ITPR2: variants seen among roughly 807,000 people sequenced by gnomAD.
ITPR2 encodes inositol 1,4,5-trisphosphate receptor type 2.
In ITPR2, 207 loss-of-function variants were observed where a neutral mutation model predicts 317.1. The ratio of observed to expected loss-of-function variants is 0.65; its 90% CI spans 0.58 to 0.73. The LOEUF is 0.73. Ranked by LOEUF, ITPR2 falls within the 30% of genes least tolerant of loss-of-function variation. ITPR2 has a pLI of 0.00. For missense variants in ITPR2, 2,613 were observed against 3,284.0 expected, an observed-to-expected ratio of 0.80 and a Z score of 4.99; for synonymous variants, 1,156 against 1,149.1, an observed-to-expected ratio of 1.01 and a Z score of -0.12.
At chr12:26,693,288 T>G (rs1948273801) in intron 10 of ITPR2, among the ~76,000 whole-genome samples, 2 of 152,116 alleles carry the variant, frequency 1.3e-5, no homozygotes. Flanking sequence ...GAAGAAGTTG[T>G]TTTTTCGAAT....
At chr12:26,727,945 C>T (rs1168987436) in intron 2 of ITPR2, among the ~76,000 whole-genome samples, 1 of 152,140 alleles carries the variant, frequency 6.6e-6, no homozygotes, top group African/African-American at 2.4e-5. Flanking sequence ...CAAACAGAGC[C>T]ACTGGCTGGT....
intron 16 of ITPR2, 77 bp from the exon 17 acceptor site, chr12:26,658,207 G>T (rs1947417839): frequency 8.9e-6 from 9 of 1,006,816 alleles, no homozygotes; most frequent in South Asian, 2.8e-5. Flanking sequence ...ACATAATTTG[G>T]AATATAATAA....
chr12:26,781,008 C>T (rs1390962342), intron 2 of ITPR2, among the ~76,000 whole-genome samples: 2 of 152,172 alleles, frequency 1.3e-5, no homozygotes, highest in Non-Finnish European at 2.9e-5. Flanking sequence ...TGAAATCAGT[C>T]TATGACTCCA....
At position 26,655,355 on chromosome 12, in the gene ITPR2, C is replaced by A. The variant is rs564272855; in HGVS notation, c.2589+353G>T. 2.6e-5 allele frequency among the ~76,000 whole-genome samples: 4 copies of A among 152,272 alleles called. 1 individual carries two copies. In the South Asian group the frequency reaches 6.2e-4, roughly 24 times the overall value. Reference sequence around the variant, plus strand: ...GAAGGCCGGGGGTGGTGGCTCACACCTGTAATCCCAGCACTTTGGGAGGCC... The same window carrying A: ...GAAGGCCGGGGGTGGTGGCTCACACATGTAATCCCAGCACTTTGGGAGGCC... On this transcript the variant is annotated intron_variant, in intron 20 of 56. Transcript: ENST00000381340.
At chr12:26,615,458 T>C (rs921153088) in intron 26 of ITPR2, among the ~76,000 whole-genome samples, 19 of 152,052 alleles carry the variant, frequency 1.2e-4, no homozygotes, top group Non-Finnish European at 2.5e-4. Flanking sequence ...AAAAAAATTA[T>C]CCATATGCCA....
intron 48 of ITPR2, among the ~76,000 whole-genome samples, chr12:26,432,029 T>C (rs112027116): frequency 5.8e-5 from 1 of 17,196 alleles, no homozygotes; most frequent in Non-Finnish European, 1.5e-4. Flanking sequence ...TTACATTTAT[T>C]ATTTTTTTTT....
At chr12:26,684,221 T>A (rs531478599) in intron 11 of ITPR2, among the ~76,000 whole-genome samples, 1 of 152,372 alleles carries the variant, frequency 6.6e-6, no homozygotes, top group African/African-American at 2.4e-5. Context: ...CCTGGTGATT[T>A]AGTATAGAAT....
chr12:26,447,046 T>C (rs1274570589), intron 45 of ITPR2, among the ~76,000 whole-genome samples: 2 of 152,082 alleles, frequency 1.3e-5, no homozygotes, highest in African/African-American at 2.4e-5. Flanking sequence ...GTAACTATTA[T>C]TTCTCTCCAG....
At chr12:26,743,943 A>G (rs541757068) in intron 2 of ITPR2, among the ~76,000 whole-genome samples, 27 of 152,198 alleles carry the variant, frequency 1.8e-4, no homozygotes, top group Non-Finnish European at 3.7e-4. Flanking sequence ...ACACCTCTAT[A>G]GGTTCTACCT....
At chr12:26,741,234 G>A (rs1189726721) in intron 2 of ITPR2, among the ~76,000 whole-genome samples, 1 of 152,234 alleles carries the variant, frequency 6.6e-6, no homozygotes, top group Non-Finnish European at 1.5e-5. Flanking sequence ...CGCCTTCCAG[G>A]CCTGGGAGGG....
intron 32 of ITPR2, among the ~76,000 whole-genome samples, chr12:26,594,106 G>A (rs1370136915): frequency 1.3e-5 from 2 of 152,158 alleles, no homozygotes; most frequent in African/African-American, 4.8e-5. Context: ...AAGGTCAATG[G>A]GGACACATAT....
intron 37 of ITPR2, among the ~76,000 whole-genome samples, chr12:26,544,997 G>A (rs982489393): frequency 1.3e-5 from 2 of 152,142 alleles, no homozygotes; most frequent in East Asian, 3.8e-4. Context: ...AAACAGCAAA[G>A]TGCTATAGAT....
intron 45 of ITPR2, among the ~76,000 whole-genome samples, chr12:26,449,208 C>T (rs898703433): frequency 5.3e-5 from 8 of 151,990 alleles, no homozygotes; most frequent in Admixed American, 2.0e-4. Flanking sequence ...TTCCCAAGAT[C>T]GCAAAGTGAG....
rs376389344 is a variant in ITPR2, at chr12:26,657,683, G to T, written c.2192+24C>A. 4.4e-6 allele frequency: 7 copies of T among 1,595,706 alleles called. No homozygotes were observed. In the African/African-American group the frequency reaches 5.4e-5, roughly 12 times the overall value. Reference sequence around the variant, plus strand: ...TTAATATGTGAGACTGGGAATTATTGTAAGATTGTCTATAATACTTAACCT... The same window carrying T: ...TTAATATGTGAGACTGGGAATTATTTTAAGATTGTCTATAATACTTAACCT... On this transcript the variant is annotated intron_variant, in intron 18 of 56. Transcript: ENST00000381340.
chr12:26,485,452 G>C (rs1432414171), intron 41 of ITPR2, among the ~76,000 whole-genome samples: 1 of 152,200 alleles, frequency 6.6e-6, no homozygotes, highest in Non-Finnish European at 1.5e-5. Context: ...CACTGATCCA[G>C]TATTGTCCCT....
intron 45 of ITPR2, among the ~76,000 whole-genome samples, chr12:26,471,208 G>A (rs1942284048): frequency 6.6e-6 from 1 of 152,144 alleles, no homozygotes; most frequent in Non-Finnish European, 1.5e-5. Context: ...GGCATTAAAT[G>A]CAGGGTCTCA....
intron 13 of ITPR2, among the ~76,000 whole-genome samples, chr12:26,671,018 G>A (rs1947756717): frequency 6.6e-6 from 1 of 151,954 alleles, no homozygotes; most frequent in Non-Finnish European, 1.5e-5. Context: ...AAAAAGAAAT[G>A]AACAAAGCCT....
chr12:26,443,768 T>C (rs1941545134), intron 45 of ITPR2, 118 bp from the exon 46 acceptor site: 2 of 612,836 alleles, frequency 3.3e-6, no homozygotes, highest in Admixed American at 6.2e-5. Flanking sequence ...TTAAGGACAA[T>C]TAGTTACACT....
chr12:26,487,007 T>C, intron 40 of ITPR2, 61 bp downstream of exon 40: 2 of 1,408,178 alleles, frequency 1.4e-6, no homozygotes, highest in South Asian at 2.3e-5. Flanking sequence ...TAATGAGATT[T>C]AAACGCTATT....
Sources: allele counts gnomAD v4.1 joint callset (sites outside exome capture counted in the v4.1 genomes callset), GRCh38; gene constraint gnomAD v4.1.1; transcripts MANE v1.5; gene names NCBI Gene and HGNC (gene_info 2026-07-23, HGNC 2026-07-21).